Variants in PLK4 observed in about 807,000 individuals in gnomAD.
PLK4 encodes polo like kinase 4, also known as serine/threonine-protein kinase PLK4.
A neutral mutation model predicts 103.0 loss-of-function variants in PLK4; 51 were observed. That is an observed-to-expected ratio of 0.50 (90% CI 0.40 to 0.63). PLK4 has a LOEUF of 0.63. Among genes scored for constraint, PLK4 ranks in the 20% least tolerant of loss-of-function variants. PLK4 has a pLI of 0.00. For synonymous variants in PLK4, 389 were observed against 376.8 expected (o/e 1.03, Z -0.38); for missense variants, 1,054 against 1,151.0 (o/e 0.92, Z 1.22).
intron 4 of PLK4, among the ~76,000 whole-genome samples, chr4:127,885,478 CAAAA>C (rs397878802): frequency 2.0e-5 from 1 of 49,802 alleles, no homozygotes. Context: ...GACTCCGTCT[CAAAA>C]AAAAAAAAAA....
At chr4:127,894,856 T>A in intron 13 of PLK4, 97 bp from the exon 14 acceptor site, 2 of 764,702 alleles carry the variant, frequency 2.6e-6, no homozygotes, top group Non-Finnish European at 3.8e-6. Flanking sequence ...TTTAAAAAAA[T>A]TAAGCTAATG....
At chr4:127,893,672 A>C in intron 12 of PLK4, 62 bp from the exon 13 acceptor site, 1 of 1,586,538 alleles carries the variant, frequency 6.3e-7, no homozygotes, top group Non-Finnish European at 8.6e-7. Flanking sequence ...TATTATAAAC[A>C]TTCTTTAGTT....
chr4:127,883,506 T>C lies in PLK4; in HGVS notation c.290T>C (p.Met97Thr), dbSNP rs750703567. ...TTAGAAATGTGCCATAATGGAGAAA[T>C]GAACAGGTATCTAAAGAATAGAGTG... ...LVLEMCHNGE[M>T]NRYLKNRVKP... The change falls in exon 4 of 16, where the codon ATG (methionine) becomes ACG (threonine). Residue 97 changes from methionine to threonine, a missense_variant. Physicochemically the swap from Met to Thr is moderately conservative, Grantham distance 81 (BLOSUM62 -1). Around this residue, in one of 4 missense-constraint regions of PLK4, gnomAD observed 199 missense variants for 270.1 expected, o/e 0.74. Transcript: ENST00000270861. 1.9e-6 allele frequency: 3 copies of C among 1,551,524 alleles called. No homozygotes were observed. Among genetic ancestry groups the C allele is most frequent in the Non-Finnish European group, 2.7e-6 (3 of 1,123,958 alleles).
Position 127,898,439 on chromosome 4 carries a change from G to T in PLK4, c.2811G>T (p.Arg937Ser). 1 of 1,391,478 alleles carries T rather than the reference G, an allele frequency of 7.2e-7. No homozygotes were observed. Among genetic ancestry groups the T allele is most frequent in the Non-Finnish European group, 1.0e-6 (1 of 984,926 alleles). The allele number at this position is 1,391,478 out of a possible 1,614,324, so 86.2% of individuals were successfully genotyped here. Reference sequence around the variant, plus strand: ...TCTTTTTTTCTTTTGCTTCACTTAGGTATGGAGAAAATGAAAAATTACCAG... The same window carrying T: ...TCTTTTTTTCTTTTGCTTCACTTAGTTATGGAGAAAATGAAAAATTACCAG... ...SYTSPNGQTT[R>S]YGENEKLPDY... is the part of the protein sequence containing the mutation. Residue 937 changes from arginine (R) to serine (S), a missense_variant and splice_region_variant, in exon 16 of 16, where the codon AGG (arginine) becomes AGT (serine). Arg to Ser is a moderately radical substitution (Grantham distance 110). Transcript: ENST00000270861.
In PLK4 at chr4:127,886,397, T is replaced by G. The variant is rs1330635548; in HGVS notation, c.1027T>G (p.Phe343Val). The change falls in exon 5 of 16, where the codon TTT (phenylalanine) becomes GTT (valine). Residue 343 changes from phenylalanine (F) to valine (V), a missense_variant. This residue lies in a region of PLK4 where 680 missense variants were observed against 660.3 expected (regional missense o/e 1.03). Transcript: ENST00000270861. ...DFSSSGDGNS[F>V]YTQWGNQETS... is the part of the protein sequence containing the mutation. ...TTCTTCTTCAGGAGATGGAAACAGTTTTTATACTCAGTGGGGAAATCAAGA... is the reference window on the plus strand; with the variant it reads ...TTCTTCTTCAGGAGATGGAAACAGTGTTTATACTCAGTGGGGAAATCAAGA... 1 of 1,614,042 alleles carries G rather than the reference T, an allele frequency of 6.2e-7. No individual in the cohort carries two copies. Among genetic ancestry groups the G allele is most frequent in the East Asian group, 2.2e-5 (1 of 44,878 alleles).
chr4:127,893,319 G>A lies in PLK4; in HGVS notation c.2223G>A (p.Gln741=). 6.3e-7 allele frequency: 1 copy of A among 1,593,982 alleles called. No individual in the cohort carries two copies. Among genetic ancestry groups the A allele is most frequent in the Non-Finnish European group, 8.6e-7 (1 of 1,166,434 alleles). ...VKIHKTEDFI[Q]VIEKTGKSYT... The stretch of plus-strand genomic sequence containing the variant: ...TACACAAAACAGAAGATTTCATTCA[G>A]GTGATTGAAAAGACAGGGAAGTCTT... The change falls in exon 11 of 16, where the codon CAG becomes CAA. Residue 741 remains glutamine, a synonymous_variant. Coordinates refer to ENST00000270861, the MANE Select transcript of PLK4 (RefSeq NM_014264.5).
At chr4:127,896,750 G>A (rs759229419) in intron 14 of PLK4, 51 bp from the exon 15 acceptor site, 225 of 822,068 alleles carry the variant, frequency 2.7e-4, no homozygotes, top group Non-Finnish European at 4.0e-4. Flanking sequence ...TACTACTGCT[G>A]TTTTTTTTTT....
At chr4:127,888,866 A>G (rs1302329230) in intron 6 of PLK4, among the ~76,000 whole-genome samples, 1 of 152,164 alleles carries the variant, frequency 6.6e-6, no homozygotes, top group African/African-American at 2.4e-5. Flanking sequence ...TCTTGAGTCT[A>G]TTCTCTTTTT....
intron 1 of PLK4, chr4:127,881,365 G>C: frequency 7.0e-7 from 1 of 1,437,980 alleles, no homozygotes; most frequent in Non-Finnish European, 9.1e-7. Context: ...AGGGAAGGCG[G>C]GACAGGTGAG....
At chr4:127,881,415 T>G (rs1197067726) in intron 1 of PLK4, 18 of 1,405,928 alleles carry the variant, frequency 1.3e-5, no homozygotes, top group South Asian at 1.2e-4. Context: ...ACTGCGGCTT[T>G]CTTTCAGCAA....
At chr4:127,897,985 T>C (rs1735640972) in intron 15 of PLK4, among the ~76,000 whole-genome samples, 1 of 151,770 alleles carries the variant, frequency 6.6e-6, no homozygotes, top group East Asian at 1.9e-4. Context: ...ATTACAGGCA[T>C]ACGCCACCAC....
At chr4:127,886,844 C>G (rs1578756365) in intron 5 of PLK4, 116 bp downstream of exon 5, 1 of 616,458 alleles carries the variant, frequency 1.6e-6, no homozygotes, top group Non-Finnish European at 2.7e-6. Flanking sequence ...AAAAAAAAAC[C>G]ACTGTCATGA....
Position 127,896,935 on chromosome 4 carries a change from T to G in PLK4, c.2810+28T>G, listed in dbSNP as rs374655796. On this transcript the variant is annotated intron_variant, in intron 15 of 15. Coordinates refer to ENST00000270861, the MANE Select transcript of PLK4 (RefSeq NM_014264.5). ...AAGTTCTTAAAATACTGGTCGAGAT[T>G]CAGCCCTTTGCTATAATTTCTCTTT... 124 of 1,162,570 alleles carry G rather than the reference T, an allele frequency of 1.1e-4. No individual in the cohort carries two copies. The African/African-American group carries it at 1.6e-3, about 15-fold the overall frequency. The allele number at this position is 1,162,570 out of a possible 1,614,324, so 72.0% of individuals were successfully genotyped here.
At chr4:127,896,779 C>T (rs1224957766) in intron 14 of PLK4, 22 bp from the exon 15 acceptor site, 4 of 1,297,346 alleles carry the variant, frequency 3.1e-6, no homozygotes, top group Non-Finnish European at 4.4e-6. Flanking sequence ...CCTGTTCTTA[C>T]CCATGCTTAT....
chr4:127,886,028 TTAAA>T lies in PLK4; in HGVS notation c.663_666del (p.Asn221LysfsTer2). On this transcript the variant is annotated frameshift_variant, in exon 5 of 16. Transcript: ENST00000270861. LOFTEE classifies it high-confidence loss of function. ...CGACACTGACACAGTCAAGAACACATTAAATAAAGTAGTATTGGCAGATTATGAA... is the reference window on the plus strand; with the variant it reads ...CGACACTGACACAGTCAAGAACACATTAAAGTAGTATTGGCAGATTATGAA... The T allele has an allele frequency of 6.2e-7, 1 of 1,614,096 alleles. No individual in the cohort carries two copies.
intron 14 of PLK4, 135 bp downstream of exon 14, chr4:127,895,228 T>C: frequency 1.8e-6 from 1 of 567,926 alleles, no homozygotes; most frequent in African/African-American, 1.9e-5. Context: ...CCTTTTAACA[T>C]TGGTTATATC....
chr4:127,889,828 G>A, intron 6 of PLK4, 38 bp from the exon 7 acceptor site: 9 of 1,427,390 alleles, frequency 6.3e-6, no homozygotes, highest in Non-Finnish European at 8.5e-6. Context: ...TGTGTTTTTA[G>A]TTATTTACTA....
rs1281802122 is a variant in PLK4 at position 127,883,128 on chromosome 4, CAG to C, written c.127-132_127-131del. ...CACTCTGCTAGGTGCATGGGGAAAA[CAG>C]ATAACAGTAGGTTGACCACAAAGAC... On this transcript the variant is annotated intron_variant, in intron 2 of 15. Coordinates refer to ENST00000270861, the MANE Select transcript of PLK4 (RefSeq NM_014264.5). 146 of 567,766 alleles carry C rather than the reference CAG, an allele frequency of 2.6e-4. 1 individual carries two copies. Among genetic ancestry groups the C allele is most frequent in the South Asian group, 1.9e-3 (70 of 37,464 alleles). 35.2% of individuals were successfully genotyped at this position (567,766 alleles called of 1,614,324 possible). A position where few individuals can be genotyped will look rare whatever the true frequency, so the allele number is the denominator to read the frequency against.
chr4:127,886,505 T>G lies in PLK4; in HGVS notation c.1135T>G (p.Ser379Ala), dbSNP rs367621049. ...HSRYLRRAYS[S>A]DRSGTSNSQS... ...TCGATACCTTCGTAGAGCTTATTCC[T>G]CTGATAGATCTGGCACTTCTAATAG... The change falls in exon 5 of 16, where the codon TCT becomes GCT. Residue 379 changes from serine to alanine, a missense_variant. Around this residue, in one of 4 missense-constraint regions of PLK4, gnomAD observed 680 missense variants for 660.3 expected, o/e 1.03. Transcript: ENST00000270861. 17 of 1,613,734 alleles carry G rather than the reference T, an allele frequency of 1.1e-5. No individual in the cohort carries two copies. The highest frequency in any genetic ancestry group is 1.4e-5 in the Non-Finnish European group (17 of 1,179,736).
Sources: gnomAD v4.1 joint callset for allele counts (sites outside exome capture counted in the v4.1 genomes callset) on GRCh38, gnomAD v4.1.1 for gene constraint, gnomAD v4.1.1 regional missense constraint, MANE v1.5 for transcripts, NCBI Gene and HGNC (gene_info 2026-07-23, HGNC 2026-07-21) for gene names.